Variants in APBB2 observed in about 807,000 individuals in gnomAD.
APBB2 encodes the protein Fe65-like 1.
APBB2 carries 38 observed loss-of-function variants against 82.5 expected under a neutral mutation model. The ratio of observed to expected loss-of-function variants is 0.46; its 90% CI spans 0.36 to 0.60. The LOEUF (loss-of-function observed/expected upper bound fraction) is 0.60. Among genes scored for constraint, APBB2 ranks in the 20% least tolerant of loss-of-function variants. APBB2 has a pLI of 0.00. For synonymous variants in APBB2, 341 were observed against 368.2 expected (o/e 0.93, Z 0.85); for missense variants, 772 against 972.3 (o/e 0.79, Z 2.74).
chr4:41,041,128 C>T (rs1037992630), intron 4 of APBB2, among the ~76,000 whole-genome samples: 2 of 152,152 alleles, frequency 1.3e-5, no homozygotes, highest in African/African-American at 4.8e-5. Flanking sequence ...GATTCCCCCA[C>T]CTTGGCCTCC....
At chr4:40,919,353 T>A (rs148030387) in intron 10 of APBB2, among the ~76,000 whole-genome samples, 315 of 152,320 alleles carry the variant, frequency 2.1e-3, no homozygotes, top group African/African-American at 7.1e-3. Flanking sequence ...CACGGTCACC[T>A]ATCTGGAAGT....
chr4:41,082,471 G>T (rs578014684), intron 3 of APBB2, among the ~76,000 whole-genome samples: 1 of 152,184 alleles, frequency 6.6e-6, no homozygotes, highest in Admixed American at 6.5e-5. Flanking sequence ...AATGAACAGT[G>T]TTATAATAGC....
At chr4:41,104,884 C>T in intron 2 of APBB2, among the ~76,000 whole-genome samples, 1 of 152,188 alleles carries the variant, frequency 6.6e-6, no homozygotes, top group Non-Finnish European at 1.5e-5. Context: ...ACCACATTTT[C>T]TTTCTCCAGT....
At chr4:41,005,729 C>T (rs543497107) in intron 6 of APBB2, among the ~76,000 whole-genome samples, 16 of 152,234 alleles carry the variant, frequency 1.1e-4, no homozygotes, top group African/African-American at 3.6e-4. Context: ...TCAAAATATC[C>T]GTGAAGTAAA....
At chr4:41,006,329 C>T (rs993533163) in intron 6 of APBB2, among the ~76,000 whole-genome samples, 8 of 152,162 alleles carry the variant, frequency 5.3e-5, no homozygotes, top group East Asian at 1.9e-4. Flanking sequence ...TTCTTCCTGT[C>T]GCATTATGGA....
intron 5 of APBB2, among the ~76,000 whole-genome samples, chr4:41,024,730 AT>A (rs1472142856): frequency 6.6e-6 from 1 of 152,220 alleles, no homozygotes; most frequent in Admixed American, 6.5e-5. Context: ...TAACTTGAGT[AT>A]TCTGTTTTTA....
chr4:41,102,237 T>G (rs1323973342), intron 2 of APBB2, among the ~76,000 whole-genome samples: 1 of 152,140 alleles, frequency 6.6e-6, no homozygotes, highest in Non-Finnish European at 1.5e-5. Context: ...CAAGTAGTTG[T>G]AACTAAAAAT....
intron 10 of APBB2, among the ~76,000 whole-genome samples, chr4:40,903,663 T>A (rs1775937387): frequency 6.6e-6 from 1 of 152,058 alleles, no homozygotes; most frequent in African/African-American, 2.4e-5. Context: ...AGTTTCAGCG[T>A]AGAGAATAGG....
In APBB2 at chr4:40,941,262, G is replaced by A. The variant is rs977765118; in HGVS notation, c.1044+3603C>T. 8.6e-5 allele frequency among the ~76,000 whole-genome samples: 13 copies of A among 152,046 alleles called. No individual in the cohort carries two copies. In the East Asian group the frequency reaches 2.5e-3, roughly 29 times the overall value. ...GCTCTCTTCTCATGCTTTGAAATTG[G>A]TTGAAATAGATTCTATTTAGGAACC... On this transcript the variant is annotated intron_variant, in intron 7 of 17. Transcript: ENST00000508593.
At chr4:41,153,487 T>G (rs1294446108) in intron 1 of APBB2, among the ~76,000 whole-genome samples, 1 of 152,174 alleles carries the variant, frequency 6.6e-6, no homozygotes, top group African/African-American at 2.4e-5. Flanking sequence ...CAGTGACCCT[T>G]CTCTTTCCCC....
chr4:41,095,537 C>T (rs28705156), intron 3 of APBB2, among the ~76,000 whole-genome samples: 23,202 of 152,182 alleles, frequency 0.15, 1,938 homozygotes, highest in Non-Finnish European at 0.19. Flanking sequence ...CTAGGGGACA[C>T]TGTTTCATCT....
chr4:41,159,961 GAGAAGAAGAAGAAGAAGAAGA>G lies in APBB2; in HGVS notation c.-416-16840_-416-16820del, dbSNP rs1161043741. Reference sequence around the variant, plus strand: ...GGAGGAGGAGAAGGAGAAGGAGAAGGAGAAGAAGAAGAAGAAGAAGAAGAAGAAGAAGAAGAAGAAGAAGAA... The same window carrying G: ...GGAGGAGGAGAAGGAGAAGGAGAAGGAGAAGAAGAAGAAGAAGAAGAAGAA... On this transcript the variant is annotated intron_variant, in intron 1 of 17. Coordinates refer to ENST00000508593, the MANE Select transcript of APBB2 (RefSeq NM_004307.2). Among the ~76,000 whole-genome samples, 233 of 31,960 alleles carry G rather than the reference GAGAAGAAGAAGAAGAAGAAGA, an allele frequency of 7.3e-3. 11 individuals carry two copies. Among genetic ancestry groups the G allele is most frequent in the South Asian group, 8.8e-3 (5 of 566 alleles). 21.0% of individuals were successfully genotyped at this position (31,960 alleles called of 152,430 possible). A position where few individuals can be genotyped will look rare whatever the true frequency, so the allele number is the denominator to read the frequency against.
intron 4 of APBB2, among the ~76,000 whole-genome samples, chr4:41,059,470 C>T (rs1444059405): frequency 6.6e-6 from 1 of 152,264 alleles, no homozygotes; most frequent in Admixed American, 6.5e-5. Context: ...AGCACTGTGA[C>T]ATGTTCACAA....
At chr4:40,996,231 T>G (rs1803605490) in intron 6 of APBB2, among the ~76,000 whole-genome samples, 2 of 152,246 alleles carry the variant, frequency 1.3e-5, no homozygotes, top group African/African-American at 4.8e-5. Context: ...TTTCTAGAAC[T>G]ATGGCTAAGT....
intron 6 of APBB2, among the ~76,000 whole-genome samples, chr4:40,994,447 A>C (rs1658091072): frequency 6.6e-6 from 1 of 152,186 alleles, no homozygotes; most frequent in Admixed American, 6.5e-5. Flanking sequence ...ATCAAAACCA[A>C]GAAATGGAGT....
intron 1 of APBB2, among the ~76,000 whole-genome samples, chr4:41,204,171 C>T (rs972372935): frequency 6.6e-6 from 1 of 152,148 alleles, no homozygotes; most frequent in Non-Finnish European, 1.5e-5. Flanking sequence ...TCTGGCATGT[C>T]GTAAGAACGA....
intron 5 of APBB2, among the ~76,000 whole-genome samples, chr4:41,014,612 T>C (rs1809354273): frequency 6.6e-6 from 1 of 152,212 alleles, no homozygotes; most frequent in Non-Finnish European, 1.5e-5. Context: ...CAAAAGCCAA[T>C]TTATAGAAAA....
At chr4:40,963,682 G>A (rs753367956) in intron 6 of APBB2, among the ~76,000 whole-genome samples, 5 of 152,234 alleles carry the variant, frequency 3.3e-5, no homozygotes, top group Non-Finnish European at 7.3e-5. Context: ...AAATGAATCC[G>A]ATGCTATATC....
At chr4:40,820,909 C>T (rs1747682936) in intron 17 of APBB2, among the ~76,000 whole-genome samples, 1 of 151,954 alleles carries the variant, frequency 6.6e-6, no homozygotes, top group South Asian at 2.1e-4. Context: ...CCTCTTGTTG[C>T]CCAGGCTGGA....
Sources: allele counts gnomAD v4.1 joint callset (sites outside exome capture counted in the v4.1 genomes callset), GRCh38; gene constraint gnomAD v4.1.1; transcripts MANE v1.5; gene names NCBI Gene and HGNC (gene_info 2026-07-23, HGNC 2026-07-21).